CACNB2: variants seen among roughly 807,000 people sequenced by gnomAD.
CACNB2 encodes the protein voltage-dependent L-type calcium channel subunit beta-2.
In CACNB2, 42 loss-of-function variants were observed where a neutral mutation model predicts 73.3. The ratio of observed to expected loss-of-function variants is 0.57; its 90% confidence interval spans 0.45 to 0.74. The LOEUF (loss-of-function observed/expected upper bound fraction) is 0.74. Among genes scored for constraint, CACNB2 ranks in the 30% least tolerant of loss-of-function variants. The pLI is 0.00. For synonymous variants in CACNB2, 348 were observed against 310.3 expected, an observed-to-expected ratio of 1.12 and a Z score of -1.28; for missense variants, 940 against 853.0, an observed-to-expected ratio of 1.10 and a Z score of -1.27.
chr10:18,415,879 A>G (rs2044929429), intron 3 of CACNB2, among the ~76,000 whole-genome samples: 1 of 152,184 alleles, frequency 6.6e-6, no homozygotes, highest in African/African-American at 2.4e-5. Flanking sequence ...TATCATCTGA[A>G]CAATTCCTTA....
At position 18,513,522 on chromosome 10, in the gene CACNB2, G is replaced by A. The variant is rs1053032535; in HGVS notation, c.671-714G>A. On this transcript the variant is annotated intron_variant, in intron 6 of 13. Coordinates refer to ENST00000324631, the MANE Select transcript of CACNB2 (RefSeq NM_201596.3). ...TTGCAAAGCTTCGTGAACCACCACC[G>A]CACTGTACGTTCATTAGCAGTTCCT... 37 of 389,102 alleles carry A rather than the reference G, an allele frequency of 9.5e-5. 1 individual carries two copies. The highest frequency in any genetic ancestry group is 1.4e-4 in the Non-Finnish European group (28 of 193,922). 24.1% of individuals were successfully genotyped at this position (389,102 alleles called of 1,614,324 possible).
chr10:18,214,832 AT>A (rs966649678), intron 2 of CACNB2, among the ~76,000 whole-genome samples: 4 of 152,162 alleles, frequency 2.6e-5, no homozygotes, highest in South Asian at 4.2e-4. Context: ...GCAGGGAAGC[AT>A]TTTGGTGTGG....
At chr10:18,320,660 G>C (rs925080682) in intron 2 of CACNB2, among the ~76,000 whole-genome samples, 11 of 152,166 alleles carry the variant, frequency 7.2e-5, no homozygotes, top group Non-Finnish European at 1.6e-4. Context: ...GTAGAATGGG[G>C]ATAGTTGTAT....
intron 2 of CACNB2, among the ~76,000 whole-genome samples, chr10:18,223,660 C>T (rs757996594): frequency 5.3e-5 from 8 of 152,090 alleles, no homozygotes; most frequent in Non-Finnish European, 1.2e-4. Context: ...TATATGGTAA[C>T]TAACAAAACA....
rs71507267 is a variant in CACNB2 at position 18,407,109 on chromosome 10, C to CTTTTTT, written c.333+5092_333+5097dup. On this transcript the variant is annotated intron_variant, in intron 3 of 13. Transcript: ENST00000324631. ...CTAAAGTCCAGACCTGCTGTTCTGTCTTTTTTTTTTTTTTTTTTTTTTTTT... is the reference window on the plus strand; with the variant it reads ...CTAAAGTCCAGACCTGCTGTTCTGTCTTTTTTTTTTTTTTTTTTTTTTTTTTTTTTT... 5.1e-3 allele frequency among the ~76,000 whole-genome samples: 181 copies of CTTTTTT among 35,618 alleles called. 42 individuals are homozygous for CTTTTTT. Among genetic ancestry groups the CTTTTTT allele is most frequent in the African/African-American group, 0.012 (110 of 9,006 alleles). 23.4% of individuals were successfully genotyped at this position (35,618 alleles called of 152,430 possible).
intron 3 of CACNB2, among the ~76,000 whole-genome samples, chr10:18,433,399 G>A (rs2132853048): frequency 6.6e-6 from 1 of 152,300 alleles, no homozygotes; most frequent in African/African-American, 2.4e-5. Context: ...GAGACCAGGT[G>A]ATGGATTAAG....
chr10:18,496,068 C>A (rs1444533472), intron 3 of CACNB2, among the ~76,000 whole-genome samples: 1 of 151,428 alleles, frequency 6.6e-6, no homozygotes, highest in Non-Finnish European at 1.5e-5. Flanking sequence ...TGCCTGTAGT[C>A]CCAGCTACTT....
chr10:18,192,272 A>ATTCAT lies in CACNB2; in HGVS notation c.213+41299_213+41303dup, dbSNP rs1554767616. 4.8e-3 allele frequency among the ~76,000 whole-genome samples: 737 copies of ATTCAT among 152,032 alleles called. 4 individuals are homozygous for ATTCAT. Among genetic ancestry groups the ATTCAT allele is most frequent in the African/African-American group, 0.017 (698 of 41,474 alleles). On this transcript the variant is annotated intron_variant, in intron 2 of 13. Coordinates refer to ENST00000324631, the MANE Select transcript of CACNB2 (RefSeq NM_201596.3). ...CCTGAGTGGCATCAGACTTACGTTC[A>ATTCAT]TTCATTCATTCATTCATGTATTATA...
rs117750299 is a variant in CACNB2, at chr10:18,141,052, C to T, written c.120+196C>T. On this transcript the variant is annotated intron_variant, in intron 1 of 13. Transcript: ENST00000324631. ...CCTTTTCCTGGCTCTGCCTCGGCTT[C>T]CATTTTTCTCTGCTTCCGAAAAGCC... 10 of 1,546,508 alleles carry T rather than the reference C, an allele frequency of 6.5e-6. No homozygotes were observed. In the African/African-American group the frequency reaches 1.1e-4, roughly 17 times the overall value.
chr10:18,480,389 T>C (rs528480030), intron 3 of CACNB2, among the ~76,000 whole-genome samples: 1 of 152,320 alleles, frequency 6.6e-6, no homozygotes, highest in South Asian at 2.1e-4. Context: ...GTTGGTTTAA[T>C]AGTTATCTGT....
chr10:18,200,051 A>C (rs866998082), intron 2 of CACNB2, among the ~76,000 whole-genome samples: 2 of 151,608 alleles, frequency 1.3e-5, no homozygotes, highest in African/African-American at 4.8e-5. Flanking sequence ...TCTCAAATCA[A>C]ACACTTCATT....
chr10:18,400,766 A>G, intron 2 of CACNB2: 1 of 1,369,658 alleles, frequency 7.3e-7, no homozygotes, highest in Non-Finnish European at 9.4e-7. Context: ...TCGGCTTTTG[A>G]ATGCACTTGT....
At chr10:18,358,540 C>G (rs866486240) in intron 2 of CACNB2, among the ~76,000 whole-genome samples, 2 of 31,662 alleles carry the variant, frequency 6.3e-5, no homozygotes, top group Middle Eastern at 0.015. Flanking sequence ...CTCTCTCTCT[C>G]TCTCTCTCTC....
chr10:18,434,857 C>G (rs951452395), intron 3 of CACNB2, among the ~76,000 whole-genome samples: 1 of 152,110 alleles, frequency 6.6e-6, no homozygotes, highest in African/African-American at 2.4e-5. Flanking sequence ...CATCACAGGT[C>G]GTGTAAGTAT....
intron 2 of CACNB2, among the ~76,000 whole-genome samples, chr10:18,312,093 TCTGA>T (rs767278783): frequency 3.3e-5 from 5 of 152,332 alleles, no homozygotes; most frequent in Middle Eastern, 3.4e-3. Flanking sequence ...CTGTAAGTTG[TCTGA>T]CTAACAGAAA....
At chr10:18,341,999 T>G (rs2041252682) in intron 2 of CACNB2, among the ~76,000 whole-genome samples, 1 of 152,180 alleles carries the variant, frequency 6.6e-6, no homozygotes, top group South Asian at 2.1e-4. Context: ...TGGCTGGCAA[T>G]GTATACACTA....
At chr10:18,166,670 A>G (rs1171889458) in intron 2 of CACNB2, among the ~76,000 whole-genome samples, 1 of 152,164 alleles carries the variant, frequency 6.6e-6, no homozygotes, top group Non-Finnish European at 1.5e-5. Context: ...AGAGGAGAGT[A>G]AAAACCACTG....
chr10:18,220,221 ATATAT>A (rs1564353717), intron 2 of CACNB2, among the ~76,000 whole-genome samples: 2 of 57,268 alleles, frequency 3.5e-5, no homozygotes, highest in African/African-American at 2.2e-4. Context: ...ATATATATAT[ATATAT>A]ATATATAGAG....
At chr10:18,448,492 A>AG (rs1404303297) in intron 3 of CACNB2, among the ~76,000 whole-genome samples, 1 of 150,916 alleles carries the variant, frequency 6.6e-6, no homozygotes, top group Non-Finnish European at 1.5e-5. Flanking sequence ...AAAAAAAAAA[A>AG]AAAAAAAAAG....
Sources: allele counts gnomAD v4.1 joint callset (sites outside exome capture counted in the v4.1 genomes callset), GRCh38; gene constraint gnomAD v4.1.1; transcripts MANE v1.5; gene names NCBI Gene and HGNC (gene_info 2026-07-23, HGNC 2026-07-21).